The following PALS1 variants were observed in gnomAD, a reference collection of about 807,000 sequenced individuals.
The protein encoded by PALS1 is protein PALS1.
In PALS1, 31 loss-of-function variants were observed where a neutral mutation model predicts 78.9. That is an observed-to-expected ratio of 0.39 (90% CI 0.30 to 0.53). The LOEUF (loss-of-function observed/expected upper bound fraction) is 0.53. PALS1 is among the 20% of genes least tolerant of loss of function. The pLI, the probability that PALS1 is intolerant of heterozygous loss-of-function variation, is 0.67. For missense variants in PALS1, 704 were observed against 826.5 expected, an observed-to-expected ratio of 0.85 and a Z score of 1.82; for synonymous variants, 276 against 270.9, an observed-to-expected ratio of 1.02 and a Z score of -0.18.
chr14:67,278,321 C>T (rs1440750422), intron 2 of PALS1, among the ~76,000 whole-genome samples: 1 of 151,530 alleles, frequency 6.6e-6, no homozygotes, highest in Non-Finnish European at 1.5e-5. Context: ...CAGGCGTGAG[C>T]CACTGCACCC....
At position 67,334,901 on chromosome 14, in the gene PALS1, A is replaced by AACTG. The variant is rs775835049; in HGVS notation, c.*1948_*1951dup. 2.0e-5 allele frequency: 3 copies of AACTG among 152,218 alleles called. No individual in the cohort carries two copies. The highest frequency in any genetic ancestry group is 4.8e-5 in the African/African-American group (2 of 41,458). 9.4% of individuals were successfully genotyped at this position (152,218 alleles called of 1,614,324 possible). On this transcript the variant is annotated 3_prime_UTR_variant, in exon 15 of 15. Coordinates refer to ENST00000261681, the MANE Select transcript of PALS1 (RefSeq NM_022474.4). ...GGAGTTTTGTGATCCTGCTTATTGT[A>AACTG]ACTGACAACTGTTTTCAACTCCAAG...
intron 4 of PALS1, among the ~76,000 whole-genome samples, chr14:67,293,087 A>G (rs1284369503): frequency 6.6e-6 from 1 of 152,136 alleles, no homozygotes; most frequent in Non-Finnish European, 1.5e-5. Context: ...ATTATAACTG[A>G]TAATCAGGCA....
intron 1 of PALS1, chr14:67,254,277 T>C (rs560338247): frequency 6.6e-6 from 1 of 151,836 alleles, no homozygotes; most frequent in African/African-American, 2.4e-5. Context: ...AAGTTTTTGG[T>C]ACCAAGTGGG....
chr14:67,310,276 GA>G (rs1385890073), intron 8 of PALS1, among the ~76,000 whole-genome samples: 2 of 152,260 alleles, frequency 1.3e-5, no homozygotes, highest in South Asian at 2.1e-4. Flanking sequence ...CATCTAGAAT[GA>G]GGTTCTTTAG....
chr14:67,259,142 C>T (rs1003493274), intron 1 of PALS1, among the ~76,000 whole-genome samples: 5 of 151,668 alleles, frequency 3.3e-5, no homozygotes, highest in African/African-American at 1.2e-4. Context: ...TGCACCAGGC[C>T]GATTTTAACT....
intron 2 of PALS1, among the ~76,000 whole-genome samples, chr14:67,273,628 G>A (rs915300040): frequency 3.9e-5 from 6 of 152,116 alleles, no homozygotes; most frequent in African/African-American, 1.4e-4. Context: ...AATCCTTTGG[G>A]TATATACCCA....
At chr14:67,297,334 C>T (rs1188306937) in intron 4 of PALS1, among the ~76,000 whole-genome samples, 2 of 152,166 alleles carry the variant, frequency 1.3e-5, no homozygotes, top group African/African-American at 2.4e-5. Flanking sequence ...GATGCACACA[C>T]ATATCTCATT....
chr14:67,298,807 C>T (rs558179103), intron 4 of PALS1, among the ~76,000 whole-genome samples: 9 of 152,336 alleles, frequency 5.9e-5, no homozygotes, highest in East Asian at 3.9e-4. Flanking sequence ...TTCTCTCCCA[C>T]GGCCCTTTGC....
intron 13 of PALS1, among the ~76,000 whole-genome samples, chr14:67,321,778 G>T (rs1476254743): frequency 2.0e-5 from 3 of 152,102 alleles, no homozygotes; most frequent in Non-Finnish European, 4.4e-5. Flanking sequence ...TTGCATTTCA[G>T]ATTTTTGGAT....
chr14:67,269,436 T>C (rs1595572258), intron 1 of PALS1, among the ~76,000 whole-genome samples: 1 of 152,132 alleles, frequency 6.6e-6, no homozygotes, highest in East Asian at 1.9e-4. Flanking sequence ...TTTTGAGGAA[T>C]TGCCAGACTG....
At chr14:67,253,691 A>C (rs2084098150) in intron 1 of PALS1, among the ~76,000 whole-genome samples, 1 of 152,090 alleles carries the variant, frequency 6.6e-6, no homozygotes, top group East Asian at 1.9e-4. Context: ...CAAAAAATAC[A>C]AAAAAATTAG....
intron 4 of PALS1, among the ~76,000 whole-genome samples, chr14:67,298,288 C>T (rs749874536): frequency 2.6e-5 from 4 of 151,702 alleles, no homozygotes; most frequent in Non-Finnish European, 5.9e-5. Context: ...TACTAGGGGC[C>T]GGACCACCTG....
At chr14:67,321,003 C>T in intron 12 of PALS1, 54 bp from the exon 13 acceptor site, 2 of 1,453,024 alleles carry the variant, frequency 1.4e-6, no homozygotes, top group Admixed American at 3.4e-5. Context: ...AGAATTATCC[C>T]CTGTCCTCAC....
intron 4 of PALS1, among the ~76,000 whole-genome samples, chr14:67,301,143 C>T (rs528025396): frequency 1.7e-4 from 26 of 151,722 alleles, no homozygotes; most frequent in Non-Finnish European, 3.7e-4. Context: ...GTGAAACGTT[C>T]AAGATGGAAG....
Position 67,312,508 on chromosome 14 carries a change from TGCCC to T in PALS1, c.1042-18_1042-15del. 1 of 1,501,600 alleles carries T rather than the reference TGCCC, an allele frequency of 6.7e-7. No individual in the cohort carries two copies. The highest frequency in any genetic ancestry group is 2.0e-5 in the Admixed American group (1 of 49,870). 93.0% of individuals were successfully genotyped at this position (1,501,600 alleles called of 1,614,324 possible). On this transcript the variant is annotated splice_polypyrimidine_tract_variant and intron_variant, in intron 8 of 14. Transcript: ENST00000261681. The stretch of plus-strand genomic sequence containing the variant: ...TTATATTGCCATTTATTGTTGTTTT[TGCCC>T]TTTTTATCTTTTAGATCCATGTAAA...
At chr14:67,242,243 G>T (rs1161997043) in intron 1 of PALS1, among the ~76,000 whole-genome samples, 1 of 152,144 alleles carries the variant, frequency 6.6e-6, no homozygotes, top group African/African-American at 2.4e-5. Flanking sequence ...CGGAATGTAG[G>T]TTTCGGTCAA....
At chr14:67,312,271 T>C (rs2085101544) in intron 8 of PALS1, 1 of 243,562 alleles carries the variant, frequency 4.1e-6, no homozygotes, top group Admixed American at 5.3e-5. Flanking sequence ...CCAACTACAA[T>C]TTCTTTGCAC....
intron 1 of PALS1, among the ~76,000 whole-genome samples, chr14:67,256,955 G>A (rs745802661): frequency 1.3e-5 from 2 of 152,076 alleles, no homozygotes; most frequent in African/African-American, 4.8e-5. Context: ...CTAAGGACGC[G>A]GCTGTGACAC....
chr14:67,332,286 C>T (rs991383709), intron 14 of PALS1, among the ~76,000 whole-genome samples: 6 of 152,148 alleles, frequency 3.9e-5, no homozygotes, highest in African/African-American at 1.4e-4. Context: ...TATATAGTTT[C>T]CCAAACTCTG....
Sources: gnomAD v4.1 joint callset for allele counts (sites outside exome capture counted in the v4.1 genomes callset) on GRCh38, gnomAD v4.1.1 for gene constraint, MANE v1.5 for transcripts, NCBI Gene and HGNC (gene_info 2026-07-23, HGNC 2026-07-21) for gene names.